RAD51B: variants seen among roughly 807,000 people sequenced by gnomAD.
RAD51B encodes RAD51 paralog B.
RAD51B carries 38 observed loss-of-function variants against 42.2 expected under a neutral mutation model. That is an observed-to-expected ratio of 0.90 (90% confidence interval 0.70 to 1.18). The LOEUF is 1.18. Among genes scored for constraint, RAD51B ranks in the 50% most tolerant of loss-of-function variants. RAD51B has a pLI of 0.00. For synonymous variants in RAD51B, 154 were observed against 145.2 expected, an observed-to-expected ratio of 1.06 and a Z score of -0.43; for missense variants, 373 against 400.7, an observed-to-expected ratio of 0.93 and a Z score of 0.59.
chr14:67,868,128 G>C (rs2042386250), intron 5 of RAD51B, among the ~76,000 whole-genome samples: 2 of 152,216 alleles, frequency 1.3e-5, no homozygotes, highest in South Asian at 4.1e-4. Context: ...CTCCCAGCAT[G>C]AGCGACGCAG....
chr14:68,156,934 A>G (rs1008110942), intron 7 of RAD51B, among the ~76,000 whole-genome samples: 3 of 152,182 alleles, frequency 2.0e-5, no homozygotes, highest in African/African-American at 7.2e-5. Context: ...ATGGTGCCTC[A>G]TGCCTATAAT....
In RAD51B at chr14:68,391,640, AT is replaced by A. The variant is rs11414301; in HGVS notation, c.854-19774del. On this transcript the variant is annotated intron_variant, in intron 8 of 10. Transcript: ENST00000471583. Reference sequence around the variant, plus strand: ...GGAGATAAATAATAACATTATACCCATTTTTTTTTTATCATGAAGCCTTTGA... The same window carrying A: ...GGAGATAAATAATAACATTATACCCATTTTTTTTTATCATGAAGCCTTTGA... Among the ~76,000 whole-genome samples the A allele has an allele frequency of 1.4e-3, 215 of 149,750 alleles. 6 individuals carry two copies. Among genetic ancestry groups the A allele is most frequent in the African/African-American group, 4.8e-3 (197 of 40,682 alleles).
intron 7 of RAD51B, among the ~76,000 whole-genome samples, chr14:68,120,018 G>T (rs1237089275): frequency 1.3e-5 from 2 of 152,160 alleles, no homozygotes; most frequent in Non-Finnish European, 2.9e-5. Flanking sequence ...ATTCTAACTG[G>T]TGTGAGCTGG....
chr14:68,357,126 C>T (rs564907064), intron 8 of RAD51B, among the ~76,000 whole-genome samples: 98 of 152,042 alleles, frequency 6.4e-4, no homozygotes, highest in Non-Finnish European at 1.2e-3. Flanking sequence ...TCAATCCTTT[C>T]AAACCCTGCC....
At chr14:67,963,115 A>G (rs1003532811) in intron 7 of RAD51B, among the ~76,000 whole-genome samples, 1 of 152,076 alleles carries the variant, frequency 6.6e-6, no homozygotes, top group Non-Finnish European at 1.5e-5. Context: ...TTGCAGGTAA[A>G]ATTAGAATTG....
intron 4 of RAD51B, among the ~76,000 whole-genome samples, chr14:67,844,227 T>C (rs1269598254): frequency 6.6e-6 from 1 of 152,030 alleles, no homozygotes; most frequent in Non-Finnish European, 1.5e-5. Context: ...TTGGTATGAT[T>C]GCAGTTTTTT....
At chr14:68,093,195 C>G (rs980143195) in intron 7 of RAD51B, among the ~76,000 whole-genome samples, 3 of 151,762 alleles carry the variant, frequency 2.0e-5, no homozygotes, top group Non-Finnish European at 2.9e-5. Context: ...GCTTTGGTAT[C>G]AGGATGATGC....
At chr14:67,996,578 T>C (rs2075388606) in intron 7 of RAD51B, among the ~76,000 whole-genome samples, 1 of 152,142 alleles carries the variant, frequency 6.6e-6, no homozygotes, top group Non-Finnish European at 1.5e-5. Flanking sequence ...GAGAGCATGC[T>C]TGGTGAGTTC....
chr14:67,830,151 A>G (rs904244119), intron 3 of RAD51B, among the ~76,000 whole-genome samples: 1 of 152,148 alleles, frequency 6.6e-6, no homozygotes, highest in African/African-American at 2.4e-5. Flanking sequence ...AGTAAGCAGG[A>G]GTCAGATTAT....
intron 4 of RAD51B, among the ~76,000 whole-genome samples, chr14:67,846,316 T>A (rs2041612501): frequency 6.6e-6 from 1 of 152,020 alleles, no homozygotes; most frequent in Non-Finnish European, 1.5e-5. Flanking sequence ...GGGTGGCGTG[T>A]GGGTTGCTGT....
intron 10 of RAD51B, among the ~76,000 whole-genome samples, chr14:68,632,968 C>CTTTTTTTTTTTTTTTTTT (rs397852024): frequency 8.2e-4 from 49 of 59,418 alleles, no homozygotes; most frequent in Non-Finnish European, 1.1e-3. Flanking sequence ...TTTTCTTTTT[C>CTTTTTTTTTTTTTTTTTT]TTTTTTTTTT....
chr14:68,112,990 G>T (rs575228002), intron 7 of RAD51B, among the ~76,000 whole-genome samples: 17 of 152,088 alleles, frequency 1.1e-4, no homozygotes, highest in East Asian at 1.9e-4. Flanking sequence ...CTCTGAACTT[G>T]TAAGATTTTG....
chr14:68,011,021 A>G (rs7153799), intron 7 of RAD51B, among the ~76,000 whole-genome samples: 2,444 of 152,076 alleles, frequency 0.016, 66 homozygotes, highest in African/African-American at 0.054. Flanking sequence ...CATACAAAAT[A>G]GTGAAAAAAA....
chr14:68,205,893 A>G (rs916114400), intron 7 of RAD51B, among the ~76,000 whole-genome samples: 1 of 152,182 alleles, frequency 6.6e-6, no homozygotes, highest in Non-Finnish European at 1.5e-5. Context: ...AGAGTTATCA[A>G]CTTTGGTAAA....
chr14:68,466,573 A>C (rs767146385), intron 9 of RAD51B, among the ~76,000 whole-genome samples: 1 of 152,182 alleles, frequency 6.6e-6, no homozygotes, highest in Non-Finnish European at 1.5e-5. Flanking sequence ...TCCCTCTCTC[A>C]TGCTGCCTTG....
chr14:68,399,947 T>G (rs1214055965), intron 8 of RAD51B, among the ~76,000 whole-genome samples: 1 of 152,246 alleles, frequency 6.6e-6, no homozygotes, highest in Admixed American at 6.5e-5. Flanking sequence ...AAGCCATTGA[T>G]GTTCTCCCAG....
At chr14:68,563,138 T>G in intron 10 of RAD51B, 1 of 985,448 alleles carries the variant, frequency 1.0e-6, no homozygotes, top group Non-Finnish European at 1.2e-6. Context: ...CACATTTGAC[T>G]TGGCGAAGGA....
At chr14:68,321,558 G>A (rs574031425) in intron 8 of RAD51B, among the ~76,000 whole-genome samples, 53 of 152,118 alleles carry the variant, frequency 3.5e-4, no homozygotes, top group Non-Finnish European at 6.5e-4. Context: ...TAGAGGCTTA[G>A]CAAATAGCAG....
chr14:67,997,267 C>A (rs1029222771), intron 7 of RAD51B, among the ~76,000 whole-genome samples: 7 of 152,002 alleles, frequency 4.6e-5, no homozygotes, highest in Middle Eastern at 3.2e-3. Context: ...AGAACTTAGC[C>A]CAGGGCATTT....
Sources: gnomAD v4.1 joint callset for allele counts (sites outside exome capture counted in the v4.1 genomes callset) on GRCh38, gnomAD v4.1.1 for gene constraint, MANE v1.5 for transcripts, NCBI Gene and HGNC (gene_info 2026-07-23, HGNC 2026-07-21) for gene names.